The following HDAC8 variants were observed in gnomAD, a reference collection of about 807,000 sequenced individuals.
HDAC8 encodes the protein histone deacetylase-like 1.
In HDAC8, 1 loss-of-function variant was observed where a neutral mutation model predicts 32.2. The observed-to-expected ratio is 0.03, with a 90% confidence interval of 0.01 to 0.15. The LOEUF is 0.15. Ranked by LOEUF, HDAC8 falls within the 10% of genes least tolerant of loss-of-function variation. The probability of loss-of-function intolerance (pLI) is 1.00; values close to 1 mark genes in which losing one functional copy is unlikely to be tolerated. For synonymous variants in HDAC8, 108 were observed against 113.9 expected, an observed-to-expected ratio of 0.95 and a Z score of 0.33; for missense variants, 117 against 300.0, an observed-to-expected ratio of 0.39 and a Z score of 4.51.
chrX:72,552,648 T>C (rs2051120767), intron 4 of HDAC8, among the ~76,000 whole-genome samples: 1 of 108,347 alleles, frequency 9.2e-6, no homozygotes, highest in Admixed American at 1.0e-4. Context: ...GGTGTGGTGG[T>C]GTGTGGCTGT....
At chrX:72,567,765 C>T (rs1382536807) in intron 4 of HDAC8, 124 bp downstream of exon 4, 1 of 1,211,104 alleles carries the variant, frequency 8.3e-7, no homozygotes, top group South Asian at 1.8e-5. Context: ...CTTCAGAATG[C>T]CTTGTAAAGT....
chrX:72,503,105 G>T, intron 4 of HDAC8, among the ~76,000 whole-genome samples: 1 of 111,803 alleles, frequency 8.9e-6, no homozygotes, highest in African/African-American at 3.2e-5. Context: ...CATAGCTGTT[G>T]TAAGTCTTTT....
At chrX:72,465,504 T>C (rs781944328) in intron 7 of HDAC8, among the ~76,000 whole-genome samples, 1 of 111,045 alleles carries the variant, frequency 9.0e-6, no homozygotes, top group South Asian at 3.9e-4. Flanking sequence ...GCTTTCAGTA[T>C]TATCATTAAT....
intron 2 of HDAC8, among the ~76,000 whole-genome samples, chrX:72,571,724 G>A (rs1222972044): frequency 1.8e-5 from 2 of 108,276 alleles, no homozygotes; most frequent in African/African-American, 6.7e-5. Flanking sequence ...CCGCTACCAC[G>A]TCCGGCTAAT....
At chrX:72,487,251 C>T (rs1255325475) in intron 7 of HDAC8, among the ~76,000 whole-genome samples, 1 of 111,358 alleles carries the variant, frequency 9.0e-6, no homozygotes, top group Non-Finnish European at 1.9e-5. Flanking sequence ...GGTTTGATAC[C>T]AAGGCTATTT....
chrX:72,442,507 G>T (rs1301611625), intron 9 of HDAC8, among the ~76,000 whole-genome samples: 9 of 111,350 alleles, frequency 8.1e-5, no homozygotes, highest in Non-Finnish European at 1.1e-4. Flanking sequence ...TCACCACCAG[G>T]CCTGCCCTAA....
chrX:72,437,513 G>A (rs950825085), intron 9 of HDAC8, among the ~76,000 whole-genome samples: 7 of 111,215 alleles, frequency 6.3e-5, no homozygotes, highest in Admixed American at 1.9e-4. Context: ...CCCTGAAAAG[G>A]GGGCTGAAGT....
At chrX:72,351,173 C>G (rs2044169802) in intron 10 of HDAC8, 1 of 167,928 alleles carries the variant, frequency 6.0e-6, no homozygotes, top group Non-Finnish European at 1.1e-5. Flanking sequence ...GGGCATGGCT[C>G]ACTGCAGCCT....
intron 7 of HDAC8, among the ~76,000 whole-genome samples, chrX:72,482,208 G>T (rs1469077699): frequency 9.0e-6 from 1 of 111,083 alleles, no homozygotes; most frequent in Non-Finnish European, 1.9e-5. Flanking sequence ...TTTGCCTATA[G>T]TTTAAAAATG....
chrX:72,533,947 A>T (rs2050434192), intron 4 of HDAC8, among the ~76,000 whole-genome samples: 1 of 111,396 alleles, frequency 9.0e-6, no homozygotes, highest in South Asian at 3.8e-4. Context: ...TCAGGAACAG[A>T]AAAGGATGCC....
chrX:72,398,406 G>A (rs2045816528), intron 9 of HDAC8, among the ~76,000 whole-genome samples: 1 of 111,102 alleles, frequency 9.0e-6, no homozygotes, highest in African/African-American at 3.3e-5. Flanking sequence ...GCTCACTGCA[G>A]TTGCAAACTC....
Position 72,351,852 on chromosome X carries a change from G to C in HDAC8, c.1006-14C>G. On this transcript the variant is annotated splice_polypyrimidine_tract_variant and intron_variant, in intron 9 of 10. Transcript: ENST00000373573. The stretch of plus-strand genomic sequence containing the variant: ...TGCTGTGAAAAACTGTAAGGAAAAG[G>C]GAAAGGCCAAAAAACAAATTAAGCC... 1 of 1,143,632 alleles carries C rather than the reference G, an allele frequency of 8.7e-7. No homozygotes were observed. Among genetic ancestry groups the C allele is most frequent in the South Asian group, 1.9e-5 (1 of 53,474 alleles). 94.2% of individuals were successfully genotyped at this position (1,143,632 alleles called of 1,213,427 possible). A position where few individuals can be genotyped will look rare whatever the true frequency, so the allele number is the denominator to read the frequency against.
chrX:72,382,561 A>C (rs2045292483), intron 9 of HDAC8, among the ~76,000 whole-genome samples: 1 of 112,531 alleles, frequency 8.9e-6, no homozygotes, highest in Non-Finnish European at 1.9e-5. Context: ...TGCGGTAATA[A>C]AAATAAAGGA....
intron 4 of HDAC8, among the ~76,000 whole-genome samples, chrX:72,507,855 A>AT (rs1556019836): frequency 8.9e-6 from 1 of 112,163 alleles, no homozygotes; most frequent in Non-Finnish European, 1.9e-5. Context: ...TGCTTCTTAA[A>AT]TACCCTGGTG....
At chrX:72,349,114 A>G (rs913669555) in intron 10 of HDAC8, among the ~76,000 whole-genome samples, 1 of 112,563 alleles carries the variant, frequency 8.9e-6, no homozygotes, top group African/African-American at 3.2e-5. Context: ...TTTTTAAAAT[A>G]TCCATCCATG....
chrX:72,476,614 C>G (rs1193282486), intron 7 of HDAC8, among the ~76,000 whole-genome samples: 1 of 111,438 alleles, frequency 9.0e-6, no homozygotes, highest in African/African-American at 3.3e-5. Context: ...GTTTGTATAG[C>G]AACTTGGACA....
At chrX:72,351,375 C>T (rs1018196105) in intron 10 of HDAC8, 4 of 200,387 alleles carry the variant, frequency 2.0e-5, no homozygotes, top group Non-Finnish European at 3.6e-5. Context: ...GCTGGGATGA[C>T]AGGCGTAAGC....
intron 7 of HDAC8, among the ~76,000 whole-genome samples, chrX:72,479,211 C>T (rs2048426821): frequency 9.0e-6 from 1 of 111,685 alleles, no homozygotes; most frequent in Non-Finnish European, 1.9e-5. Context: ...CGAAGCAAAA[C>T]GTAAACAGTA....
At chrX:72,447,319 A>G (rs1415085887) in intron 9 of HDAC8, among the ~76,000 whole-genome samples, 1 of 112,391 alleles carries the variant, frequency 8.9e-6, no homozygotes, top group Non-Finnish European at 1.9e-5. Context: ...TCACATAAAC[A>G]GAACCAACGA....
Sources: gnomAD v4.1 joint callset for allele counts (sites outside exome capture counted in the v4.1 genomes callset) on GRCh38, gnomAD v4.1.1 for gene constraint, MANE v1.5 for transcripts, NCBI Gene and HGNC (gene_info 2026-07-23, HGNC 2026-07-21) for gene names.